The following GRIK2 variants were observed in gnomAD, a reference collection of about 807,000 sequenced individuals.
The protein encoded by GRIK2 is glutamate receptor ionotropic, kainate 2.
GRIK2 carries 32 observed loss-of-function variants against 100.3 expected under a neutral mutation model. The ratio of observed to expected loss-of-function variants is 0.32; its 90% CI spans 0.24 to 0.43. The LOEUF (loss-of-function observed/expected upper bound fraction) is 0.43, where lower values mean the gene tolerates loss of function less well. Among genes scored for constraint, GRIK2 ranks in the 20% least tolerant of loss-of-function variants. GRIK2 has a pLI of 1.00. For missense variants in GRIK2, 843 were observed against 1,114.9 expected (o/e 0.76, Z 3.47); for synonymous variants, 417 against 389.4 (o/e 1.07, Z -0.83).
At chr6:101,868,605 A>C (rs1785197538) in intron 11 of GRIK2, among the ~76,000 whole-genome samples, 2 of 151,580 alleles carry the variant, frequency 1.3e-5, no homozygotes, top group East Asian at 1.9e-4. Context: ...TTTTCTTTAG[A>C]GCATAGAGCA....
chr6:101,797,962 A>T (rs1289335055), intron 7 of GRIK2, among the ~76,000 whole-genome samples: 1 of 150,460 alleles, frequency 6.6e-6, no homozygotes, highest in Non-Finnish European at 1.5e-5. Context: ...TCAAAACATG[A>T]TTTTTTAGTG....
chr6:101,817,971 G>C (rs929499995), intron 9 of GRIK2, among the ~76,000 whole-genome samples: 2 of 152,130 alleles, frequency 1.3e-5, no homozygotes, highest in Non-Finnish European at 2.9e-5. Flanking sequence ...ATTTTGCGCT[G>C]TCTTTTAGCT....
chr6:102,055,680 A>G, intron 16 of GRIK2, 100 bp downstream of exon 16: 2 of 752,940 alleles, frequency 2.7e-6, no homozygotes, highest in Non-Finnish European at 4.5e-6. Flanking sequence ...ATGATAATGC[A>G]TAGAACTATT....
chr6:101,434,641 T>G (rs1377034181), intron 2 of GRIK2, among the ~76,000 whole-genome samples: 1 of 152,168 alleles, frequency 6.6e-6, no homozygotes. Flanking sequence ...AAATATTTTA[T>G]TTTCCTACTA....
Position 102,069,810 on chromosome 6 carries a change from C to G in GRIK2, c.*1299C>G. ...GTGCACCACCAACGTTTGGTGAAAA[C>G]TATTTTTATCAAGAAAAAAGGAATC... On this transcript the variant is annotated 3_prime_UTR_variant, in exon 17 of 17. Coordinates refer to ENST00000369134, the MANE Select transcript of GRIK2 (RefSeq NM_021956.5). 1 of 151,874 alleles carries G rather than the reference C, an allele frequency of 6.6e-6. No homozygotes were observed. Among genetic ancestry groups the G allele is most frequent in the East Asian group, 1.9e-4 (1 of 5,170 alleles). 9.4% of individuals were successfully genotyped at this position (151,874 alleles called of 1,614,324 possible).
chr6:101,926,275 G>A (rs1789894546), intron 13 of GRIK2, among the ~76,000 whole-genome samples: 1 of 140,592 alleles, frequency 7.1e-6, no homozygotes, highest in Non-Finnish European at 1.5e-5. Flanking sequence ...CAAAATAACA[G>A]AAGTGAATGA....
intron 2 of GRIK2, among the ~76,000 whole-genome samples, chr6:101,416,180 C>T (rs1776130289): frequency 1.3e-5 from 2 of 152,142 alleles, no homozygotes; most frequent in Admixed American, 1.3e-4. Context: ...ACACAAAGGG[C>T]CAGTTTGTCA....
At chr6:101,897,337 ACTTTTT>A (rs1370082713) in intron 12 of GRIK2, among the ~76,000 whole-genome samples, 1 of 151,686 alleles carries the variant, frequency 6.6e-6, no homozygotes, top group East Asian at 1.9e-4. Context: ...CAAGTGATAC[ACTTTTT>A]CTTTTATGTT....
intron 11 of GRIK2, among the ~76,000 whole-genome samples, chr6:101,887,171 TAAGAA>T (rs1786706082): frequency 6.6e-6 from 1 of 152,114 alleles, no homozygotes; most frequent in African/African-American, 2.4e-5. Flanking sequence ...ATATTCTATA[TAAGAA>T]GAGAGTGGAT....
intron 14 of GRIK2, among the ~76,000 whole-genome samples, chr6:101,979,085 G>A (rs940268813): frequency 6.6e-6 from 1 of 151,918 alleles, no homozygotes; most frequent in Non-Finnish European, 1.5e-5. Context: ...AAAACAAACA[G>A]GAACAAGCCA....
intron 4 of GRIK2, among the ~76,000 whole-genome samples, chr6:101,630,127 T>C (rs978068686): frequency 1.3e-5 from 2 of 152,184 alleles, no homozygotes; most frequent in Admixed American, 1.3e-4. Context: ...GATGGGCATC[T>C]TGGTTGATTC....
At chr6:101,738,660 G>GTT (rs1775835352) in intron 7 of GRIK2, among the ~76,000 whole-genome samples, 2 of 152,032 alleles carry the variant, frequency 1.3e-5, no homozygotes, top group Non-Finnish European at 2.9e-5. Flanking sequence ...GTTGACCAGG[G>GTT]TTTCTCAACC....
At chr6:101,990,534 G>A (rs1794296195) in intron 14 of GRIK2, among the ~76,000 whole-genome samples, 1 of 151,538 alleles carries the variant, frequency 6.6e-6, no homozygotes, top group East Asian at 1.9e-4. Context: ...GAATATCTCT[G>A]GGGCAGGAAA....
chr6:101,999,417 T>C (rs1794817600), intron 14 of GRIK2, among the ~76,000 whole-genome samples: 1 of 152,134 alleles, frequency 6.6e-6, no homozygotes, highest in South Asian at 2.1e-4. Context: ...AATACTTTTT[T>C]AGTTTTCAGT....
chr6:101,472,898 A>C (rs909657913), intron 2 of GRIK2, among the ~76,000 whole-genome samples: 2 of 151,844 alleles, frequency 1.3e-5, no homozygotes, highest in African/African-American at 4.8e-5. Context: ...TAGAAACTTC[A>C]GAATAATATG....
intron 2 of GRIK2, among the ~76,000 whole-genome samples, chr6:101,459,207 A>G (rs1195492227): frequency 6.6e-6 from 1 of 152,124 alleles, no homozygotes; most frequent in East Asian, 1.9e-4. Context: ...AATTTGGCAG[A>G]TTCCAAAGGT....
intron 2 of GRIK2, among the ~76,000 whole-genome samples, chr6:101,568,237 TG>T (rs1777375104): frequency 6.6e-6 from 1 of 152,034 alleles, no homozygotes; most frequent in African/African-American, 2.4e-5. Context: ...CTATAAGGCA[TG>T]TTTCTGCTCA....
chr6:101,654,075 G>A (rs1243891180), intron 4 of GRIK2, among the ~76,000 whole-genome samples: 1 of 152,150 alleles, frequency 6.6e-6, no homozygotes, highest in African/African-American at 2.4e-5. Context: ...ACCTAGGATA[G>A]CATCTACTTC....
At chr6:101,584,845 A>AC (rs1554223782) in intron 2 of GRIK2, among the ~76,000 whole-genome samples, 5 of 151,934 alleles carry the variant, frequency 3.3e-5, no homozygotes, top group African/African-American at 1.2e-4. Flanking sequence ...CACATCAAAA[A>AC]TGCAAAAATG....
Sources: allele counts gnomAD v4.1 joint callset (sites outside exome capture counted in the v4.1 genomes callset), GRCh38; gene constraint gnomAD v4.1.1; transcripts MANE v1.5; gene names NCBI Gene and HGNC (gene_info 2026-07-23, HGNC 2026-07-21).